SYN3: variants seen among roughly 807,000 people sequenced by gnomAD.
SYN3 encodes synapsin III, also known as synapsin-3.
In SYN3, 35 loss-of-function variants were observed where a neutral mutation model predicts 65.8. The ratio of observed to expected loss-of-function variants is 0.53; its 90% CI spans 0.41 to 0.70. The LOEUF (loss-of-function observed/expected upper bound fraction) is 0.70. Among genes scored for constraint, SYN3 ranks in the 30% least tolerant of loss-of-function variants. The pLI is 0.00. For synonymous variants in SYN3, 270 were observed against 292.9 expected (o/e 0.92, Z 0.80); for missense variants, 680 against 749.0 (o/e 0.91, Z 1.08).
intron 6 of SYN3, among the ~76,000 whole-genome samples, chr22:32,633,724 G>A (rs2059777987): frequency 6.6e-6 from 1 of 152,120 alleles, no homozygotes; most frequent in Admixed American, 6.5e-5. Flanking sequence ...CCAGGTCCAA[G>A]CAAGCCTCCT....
Position 32,789,966 on chromosome 22 carries a change from C to T in SYN3, c.711+74949G>A, listed in dbSNP as rs574349042. ...GCTCTGTGCCAGGAATTCTGCTAAA[C>T]GCTTTCCACATATATCATCTTATTT... On this transcript the variant is annotated intron_variant, in intron 6 of 13. Coordinates refer to ENST00000358763, the MANE Select transcript of SYN3 (RefSeq NM_003490.4). Among the ~76,000 whole-genome samples the T allele has an allele frequency of 2.2e-3, 330 of 152,354 alleles. 4 individuals carry two copies. Among genetic ancestry groups the T allele is most frequent in the African/African-American group, 7.6e-3 (317 of 41,576 alleles).
intron 6 of SYN3, among the ~76,000 whole-genome samples, chr22:32,803,987 C>T (rs916120909): frequency 6.6e-5 from 10 of 152,178 alleles, no homozygotes; most frequent in Non-Finnish European, 1.3e-4. Context: ...CGTCTGCTTA[C>T]TGCTTAGGTT....
chr22:32,661,850 G>A (rs1286395194), intron 6 of SYN3, among the ~76,000 whole-genome samples: 1 of 152,224 alleles, frequency 6.6e-6, no homozygotes, highest in Non-Finnish European at 1.5e-5. Context: ...GGGGACGTAA[G>A]TGGCTTGGCA....
chr22:32,936,137 G>A (rs537377465), intron 3 of SYN3, among the ~76,000 whole-genome samples: 2 of 152,260 alleles, frequency 1.3e-5, no homozygotes, highest in African/African-American at 4.8e-5. Flanking sequence ...ATATATGGAG[G>A]TGTGAAATGT....
At chr22:32,964,066 T>A (rs987759513) in intron 3 of SYN3, among the ~76,000 whole-genome samples, 2 of 151,410 alleles carry the variant, frequency 1.3e-5, no homozygotes, top group Non-Finnish European at 2.9e-5. Context: ...ACCAGTTCAG[T>A]TCCATTTTAA....
chr22:32,943,989 C>A (rs1265827139), intron 3 of SYN3, among the ~76,000 whole-genome samples: 5 of 152,144 alleles, frequency 3.3e-5, no homozygotes, highest in Admixed American at 3.3e-4. Flanking sequence ...GACTCCCACA[C>A]AATAATAATG....
intron 6 of SYN3, among the ~76,000 whole-genome samples, chr22:32,600,323 C>T (rs2146611428): frequency 6.6e-6 from 1 of 152,254 alleles, no homozygotes; most frequent in African/African-American, 2.4e-5. Context: ...AATGCTGCCT[C>T]TGATCTGACA....
chr22:32,592,817 ATC>A (rs2059146507), intron 7 of SYN3, among the ~76,000 whole-genome samples: 1 of 152,166 alleles, frequency 6.6e-6, no homozygotes, highest in Admixed American at 6.5e-5. Flanking sequence ...TTACACGACT[ATC>A]TCTCCAATTC....
intron 6 of SYN3, among the ~76,000 whole-genome samples, chr22:32,677,619 A>C (rs1601895498): frequency 2.0e-5 from 3 of 152,136 alleles, no homozygotes; most frequent in African/African-American, 7.2e-5. Context: ...TAACACGGTG[A>C]AACTCCATCT....
Position 32,617,638 on chromosome 22 carries a change from A to C in SYN3, c.712-20902T>G, listed in dbSNP as rs181178014. Among the ~76,000 whole-genome samples the C allele has an allele frequency of 2.5e-3, 376 of 152,218 alleles. 2 individuals are homozygous for C. The highest frequency in any genetic ancestry group is 8.1e-3 in the African/African-American group (335 of 41,542). ...CAAATTGTAAAAAGCCTCGTAAACT[A>C]TTCTGAGAAGTTTGGACTTAATCCT... On this transcript the variant is annotated intron_variant, in intron 6 of 13. Transcript: ENST00000358763.
At chr22:32,850,840 T>G (rs1299277747) in intron 6 of SYN3, among the ~76,000 whole-genome samples, 1 of 152,176 alleles carries the variant, frequency 6.6e-6, no homozygotes, top group Non-Finnish European at 1.5e-5. Flanking sequence ...AGCCGCAATG[T>G]CCAGGTAGAA....
intron 4 of SYN3, among the ~76,000 whole-genome samples, chr22:32,869,367 T>TCTCTCTCTCTCA (rs61464794): frequency 0.078 from 11,076 of 141,786 alleles, 639 homozygotes; most frequent in East Asian, 0.22. Flanking sequence ...TCTCTCTCTC[T>TCTCTCTCTCTCA]CACAGGCTCT....
intron 12 of SYN3, among the ~76,000 whole-genome samples, chr22:32,522,095 AT>A (rs1242153504): frequency 2.6e-5 from 4 of 152,236 alleles, no homozygotes; most frequent in Admixed American, 1.3e-4. Context: ...TATAGAAAGT[AT>A]TTGCCTAAGC....
In SYN3 at chr22:32,945,982, C is replaced by T. The variant is rs140711754; in HGVS notation, c.370-14501G>A. 3.9e-3 allele frequency among the ~76,000 whole-genome samples: 600 copies of T among 152,272 alleles called. 2 individuals carry two copies. The highest frequency in any genetic ancestry group is 7.2e-3 in the Non-Finnish European group (487 of 68,020). Reference sequence around the variant, plus strand: ...GACGTCAGAGAAATGCAAATCAAAACCACAATGAGATACCATCTCATACCA... The same window carrying T: ...GACGTCAGAGAAATGCAAATCAAAATCACAATGAGATACCATCTCATACCA... On this transcript the variant is annotated intron_variant, in intron 3 of 13. Coordinates refer to ENST00000358763, the MANE Select transcript of SYN3 (RefSeq NM_003490.4).
chr22:32,657,908 C>A (rs2060164237), intron 6 of SYN3, among the ~76,000 whole-genome samples: 1 of 152,222 alleles, frequency 6.6e-6, no homozygotes, highest in Non-Finnish European at 1.5e-5. Flanking sequence ...GCACCTTCAA[C>A]AAACACTTCT....
At chr22:33,008,852 G>A (rs1601895755) in intron 1 of SYN3, among the ~76,000 whole-genome samples, 2 of 141,372 alleles carry the variant, frequency 1.4e-5, no homozygotes, top group South Asian at 2.3e-4. Flanking sequence ...TTGAACCCAG[G>A]AGGTGGAGGT....
At chr22:32,790,539 C>T (rs1208368057) in intron 6 of SYN3, among the ~76,000 whole-genome samples, 1 of 152,000 alleles carries the variant, frequency 6.6e-6, no homozygotes, top group Non-Finnish European at 1.5e-5. Context: ...AATTCTTATG[C>T]CTCAGCCTCC....
At chr22:32,605,830 C>A (rs1312557256) in intron 6 of SYN3, among the ~76,000 whole-genome samples, 2 of 152,294 alleles carry the variant, frequency 1.3e-5, no homozygotes, top group Middle Eastern at 6.8e-3. Context: ...GTGGCAGCAG[C>A]ATGGACATGG....
At chr22:32,578,933 G>A (rs1948616176) in intron 7 of SYN3, among the ~76,000 whole-genome samples, 1 of 152,154 alleles carries the variant, frequency 6.6e-6, no homozygotes, top group Non-Finnish European at 1.5e-5. Context: ...AAATAAGCAG[G>A]GCCATGTTAT....
Sources: gnomAD v4.1 joint callset for allele counts (sites outside exome capture counted in the v4.1 genomes callset) on GRCh38, gnomAD v4.1.1 for gene constraint, MANE v1.5 for transcripts, NCBI Gene and HGNC (gene_info 2026-07-23, HGNC 2026-07-21) for gene names.